GPC6: variants seen among roughly 807,000 people sequenced by gnomAD.
GPC6 encodes glypican 6, also known as glypican-6.
In GPC6, 14 loss-of-function variants were observed where a neutral mutation model predicts 55.2. That is an observed-to-expected ratio of 0.25 (90% confidence interval 0.17 to 0.40). The LOEUF is 0.40. Ranked by LOEUF, GPC6 falls within the 10% of genes least tolerant of loss-of-function variation. The pLI is 1.00. For missense variants in GPC6, 641 were observed against 708.5 expected (o/e 0.90, Z 1.08); for synonymous variants, 278 against 259.6 (o/e 1.07, Z -0.68).
intron 6 of GPC6, among the ~76,000 whole-genome samples, chr13:94,353,005 T>A (rs187725496): frequency 1.3e-5 from 2 of 152,330 alleles, no homozygotes; most frequent in East Asian, 3.9e-4. Flanking sequence ...AAAGTCACTT[T>A]ACAGCTCATG....
At chr13:93,992,654 G>A (rs1881363985) in intron 3 of GPC6, among the ~76,000 whole-genome samples, 1 of 152,170 alleles carries the variant, frequency 6.6e-6, no homozygotes, top group South Asian at 2.1e-4. Context: ...TGCAAGATCA[G>A]TGGCCTGGAT....
At chr13:94,178,580 T>C (rs117441096) in intron 4 of GPC6, among the ~76,000 whole-genome samples, 1 of 152,328 alleles carries the variant, frequency 6.6e-6, no homozygotes, top group East Asian at 1.9e-4. Flanking sequence ...CCTTTGAATA[T>C]TCAAAACTTT....
intron 4 of GPC6, among the ~76,000 whole-genome samples, chr13:94,231,661 G>A (rs772236643): frequency 2.6e-5 from 4 of 151,992 alleles, no homozygotes; most frequent in Non-Finnish European, 5.9e-5. Flanking sequence ...CTCGGAAAAT[G>A]GCTTTCTTAT....
At chr13:93,899,126 C>T (rs1876200801) in intron 3 of GPC6, among the ~76,000 whole-genome samples, 1 of 151,586 alleles carries the variant, frequency 6.6e-6, no homozygotes, top group Non-Finnish European at 1.5e-5. Flanking sequence ...CAGATTTATT[C>T]CTTCACTGTC....
chr13:93,704,833 A>G (rs934826099), intron 2 of GPC6, among the ~76,000 whole-genome samples: 4 of 151,952 alleles, frequency 2.6e-5, no homozygotes, highest in Non-Finnish European at 4.4e-5. Context: ...GCATATGGCA[A>G]TGAGGCATGA....
chr13:93,326,244 T>C (rs1879648365), intron 1 of GPC6, among the ~76,000 whole-genome samples: 1 of 152,160 alleles, frequency 6.6e-6, no homozygotes, highest in South Asian at 2.1e-4. Flanking sequence ...CCAGTGCTTC[T>C]TAGACCATAG....
chr13:93,260,584 G>C (rs1051707904), intron 1 of GPC6, among the ~76,000 whole-genome samples: 1 of 151,930 alleles, frequency 6.6e-6, no homozygotes, highest in Non-Finnish European at 1.5e-5. Flanking sequence ...TAATATTATT[G>C]ATCAGTACCT....
chr13:93,838,733 A>G (rs1887835071), intron 3 of GPC6, among the ~76,000 whole-genome samples: 1 of 152,102 alleles, frequency 6.6e-6, no homozygotes, highest in African/African-American at 2.4e-5. Context: ...CCTGAGTCAA[A>G]GCAGCATGGA....
chr13:94,051,820 T>G (rs1883958173), intron 4 of GPC6, among the ~76,000 whole-genome samples: 2 of 152,168 alleles, frequency 1.3e-5, no homozygotes, highest in African/African-American at 4.8e-5. Context: ...TGATACAAAC[T>G]GCAGAAACAC....
chr13:94,066,382 T>A (rs1884517946), intron 4 of GPC6, among the ~76,000 whole-genome samples: 1 of 152,280 alleles, frequency 6.6e-6, no homozygotes, highest in African/African-American at 2.4e-5. Flanking sequence ...ACTGTAAATA[T>A]ATAACTCATG....
intron 1 of GPC6, among the ~76,000 whole-genome samples, chr13:93,478,053 G>T (rs1879364160): frequency 6.6e-6 from 1 of 152,042 alleles, no homozygotes; most frequent in Non-Finnish European, 1.5e-5. Context: ...TGGTCATTGG[G>T]CATTTTGGGG....
At chr13:94,034,285 A>C (rs967394487) in intron 4 of GPC6, among the ~76,000 whole-genome samples, 2 of 151,634 alleles carry the variant, frequency 1.3e-5, no homozygotes, top group African/African-American at 4.8e-5. Flanking sequence ...GGCACCCAAC[A>C]GCCTGTCGCT....
At chr13:93,241,722 T>G (rs1876435996) in intron 1 of GPC6, among the ~76,000 whole-genome samples, 1 of 152,188 alleles carries the variant, frequency 6.6e-6, no homozygotes, top group East Asian at 1.9e-4. Flanking sequence ...TTGAGGGCAT[T>G]GCAAAACTCT....
At chr13:93,804,461 C>T (rs974114237) in intron 2 of GPC6, among the ~76,000 whole-genome samples, 1 of 152,208 alleles carries the variant, frequency 6.6e-6, no homozygotes, top group Non-Finnish European at 1.5e-5. Context: ...AGTTTGCGTA[C>T]TTCTCACCTG....
intron 3 of GPC6, among the ~76,000 whole-genome samples, chr13:94,020,083 T>A (rs1024984820): frequency 1.3e-5 from 2 of 152,168 alleles, no homozygotes. Context: ...TTTTCCTTTT[T>A]TTCTAGTTCC....
intron 3 of GPC6, among the ~76,000 whole-genome samples, chr13:93,992,563 C>A (rs1566638257): frequency 1.3e-5 from 2 of 151,966 alleles, no homozygotes; most frequent in Non-Finnish European, 2.9e-5. Flanking sequence ...TATTTTAGAC[C>A]AATGGTTGCA....
intron 3 of GPC6, among the ~76,000 whole-genome samples, chr13:94,015,305 G>C (rs922724667): frequency 2.0e-5 from 3 of 152,112 alleles, no homozygotes; most frequent in African/African-American, 7.2e-5. Flanking sequence ...GTTTTGTTGA[G>C]TCTGTTAGCC....
At chr13:93,952,312 G>T (rs370324491) in intron 3 of GPC6, among the ~76,000 whole-genome samples, 5 of 152,146 alleles carry the variant, frequency 3.3e-5, no homozygotes, top group African/African-American at 1.2e-4. Flanking sequence ...TCTCAAAAAT[G>T]AATCTTTAGG....
At chr13:94,169,160 G>A (rs914908555) in intron 4 of GPC6, among the ~76,000 whole-genome samples, 16 of 152,144 alleles carry the variant, frequency 1.1e-4, no homozygotes, top group African/African-American at 3.1e-4. Context: ...AGGAAACAAC[G>A]TTTGCAATAT....
Sources: gnomAD v4.1 joint callset for allele counts (sites outside exome capture counted in the v4.1 genomes callset) on GRCh38, gnomAD v4.1.1 for gene constraint, MANE v1.5 for transcripts, NCBI Gene and HGNC (gene_info 2026-07-23, HGNC 2026-07-21) for gene names.